The following CNST variants were observed in gnomAD, a reference collection of about 807,000 sequenced individuals.
CNST encodes the protein consortin, connexin sorting protein.
CNST carries 39 observed loss-of-function variants against 72.4 expected under a neutral mutation model. That is an observed-to-expected ratio of 0.54 (90% CI 0.42 to 0.70). The LOEUF (loss-of-function observed/expected upper bound fraction) is 0.70. CNST is among the 30% of genes least tolerant of loss of function. The pLI, the probability that CNST is intolerant of heterozygous loss-of-function variation, is 0.00. For missense variants in CNST, 871 were observed against 868.5 expected, an observed-to-expected ratio of 1.00 and a Z score of -0.04; for synonymous variants, 332 against 320.1, an observed-to-expected ratio of 1.04 and a Z score of -0.40.
intron 2 of CNST, among the ~76,000 whole-genome samples, chr1:246,596,084 T>C (rs990496931): frequency 1.8e-4 from 27 of 152,244 alleles, no homozygotes; most frequent in African/African-American, 5.5e-4. Flanking sequence ...CCCCTTGATA[T>C]GCTTAACTAA....
At chr1:246,643,821 C>T (rs1196388563) in intron 8 of CNST, among the ~76,000 whole-genome samples, 1 of 152,192 alleles carries the variant, frequency 6.6e-6, no homozygotes, top group African/African-American at 2.4e-5. Context: ...TAGTTTGGAA[C>T]TCTTGCCTTT....
At chr1:246,577,493 ACTTTAC>A (rs981507016) in intron 1 of CNST, among the ~76,000 whole-genome samples, 31 of 152,064 alleles carry the variant, frequency 2.0e-4, no homozygotes, top group African/African-American at 7.5e-4. Flanking sequence ...TGTTGTTCAG[ACTTTAC>A]CTTTAAAATT....
chr1:246,639,813 C>T (rs143701084), intron 6 of CNST, among the ~76,000 whole-genome samples: 3 of 152,188 alleles, frequency 2.0e-5, no homozygotes, highest in African/African-American at 7.2e-5. Flanking sequence ...TGGGTATAGA[C>T]GGGCTGAGGC....
intron 10 of CNST, among the ~76,000 whole-genome samples, chr1:246,662,809 G>A (rs1485264156): frequency 6.6e-6 from 1 of 152,072 alleles, no homozygotes; most frequent in African/African-American, 2.4e-5. Context: ...TAAGTATTCA[G>A]AATCTGTGTT....
chr1:246,655,229 G>C (rs187941744), intron 9 of CNST, among the ~76,000 whole-genome samples: 4 of 151,984 alleles, frequency 2.6e-5, no homozygotes, highest in South Asian at 4.2e-4. Flanking sequence ...TTTTTTAAAG[G>C]CTTTTTCCTT....
intron 2 of CNST, among the ~76,000 whole-genome samples, chr1:246,611,480 C>G (rs2103060648): frequency 6.6e-6 from 1 of 152,274 alleles, no homozygotes; most frequent in East Asian, 1.9e-4. Flanking sequence ...TTAGATCGAA[C>G]TGCTCTGAAA....
chr1:246,605,776 T>C (rs1250811572), intron 2 of CNST: 7 of 110,454 alleles, frequency 6.3e-5, no homozygotes, highest in African/African-American at 2.4e-4. Context: ...GTAGGTGTCT[T>C]CCGGCCGGGG....
chr1:246,622,705 G>A (rs1664170253), intron 3 of CNST, among the ~76,000 whole-genome samples: 1 of 151,514 alleles, frequency 6.6e-6, no homozygotes, highest in African/African-American at 2.4e-5. Context: ...AGGATGGAGA[G>A]GCTGGAGACT....
chr1:246,653,108 G>A (rs1223575731), intron 9 of CNST, among the ~76,000 whole-genome samples: 1 of 152,128 alleles, frequency 6.6e-6, no homozygotes, highest in Non-Finnish European at 1.5e-5. Context: ...AGAACTGCTT[G>A]TATCACATGA....
At chr1:246,578,585 T>G (rs199926832) in intron 1 of CNST, among the ~76,000 whole-genome samples, 2 of 151,844 alleles carry the variant, frequency 1.3e-5, no homozygotes, top group Admixed American at 6.6e-5. Context: ...GCAGGAGAAT[T>G]GCTTGAACCC....
chr1:246,604,984 A>G (rs1160428704), intron 2 of CNST, among the ~76,000 whole-genome samples: 2 of 152,166 alleles, frequency 1.3e-5, no homozygotes, highest in Admixed American at 6.5e-5. Context: ...TTTGTTTTGA[A>G]TTTAAATACA....
intron 9 of CNST, among the ~76,000 whole-genome samples, chr1:246,655,611 T>C (rs2103154648): frequency 6.6e-6 from 1 of 152,338 alleles, no homozygotes; most frequent in East Asian, 1.9e-4. Flanking sequence ...TAGAGTCTTA[T>C]TTGAAAGTTC....
At chr1:246,625,970 T>C (rs1664405395) in intron 3 of CNST, among the ~76,000 whole-genome samples, 1 of 152,184 alleles carries the variant, frequency 6.6e-6, no homozygotes, top group Non-Finnish European at 1.5e-5. Context: ...TGAAGCGTTT[T>C]GTTTATTTGC....
At position 246,644,669 on chromosome 1, in the gene CNST, C is replaced by T. The variant is rs981208641; in HGVS notation, c.938-2470C>T. ...ATAACTGCAGCCTTTAGGTAACTGACCCTCAGGTGGAAGCAACACACCCCA... is the reference window on the plus strand; with the variant it reads ...ATAACTGCAGCCTTTAGGTAACTGATCCTCAGGTGGAAGCAACACACCCCA... On this transcript the variant is annotated intron_variant, in intron 8 of 10. Coordinates refer to ENST00000366513, the MANE Select transcript of CNST (RefSeq NM_152609.3). 4.6e-5 allele frequency among the ~76,000 whole-genome samples: 7 copies of T among 152,288 alleles called. No homozygotes were observed. The South Asian group carries it at 8.3e-4, about 18-fold the overall frequency.
chr1:246,574,443 A>T (rs1660263961), intron 1 of CNST, among the ~76,000 whole-genome samples: 1 of 152,198 alleles, frequency 6.6e-6, no homozygotes, highest in African/African-American at 2.4e-5. Context: ...AATTTTTTTT[A>T]GAGACAGCTT....
Position 246,648,308 on chromosome 1 carries a change from CCTGA to C in CNST, c.1836+275_1836+278del, listed in dbSNP as rs1415924361. On this transcript the variant is annotated intron_variant, in intron 9 of 10. Transcript: ENST00000366513. ...ATTGTATATATCCATTTTTTATAGT[CCTGA>C]CTGTTATGTGGCAGTTCCAGATATT... 5 of 932,768 alleles carry C rather than the reference CCTGA, an allele frequency of 5.4e-6. No homozygotes were observed. The Admixed American group carries it at 1.4e-4, about 26-fold the overall frequency. The allele number at this position is 932,768 out of a possible 1,614,324, so 57.8% of individuals were successfully genotyped here. A position where few individuals can be genotyped will look rare whatever the true frequency, so the allele number is the denominator to read the frequency against.
chr1:246,665,797 T>C lies in CNST; in HGVS notation c.2070T>C (p.Gly690=). The part of the protein sequence containing the change: ...VGGTALYCTF[G]DMESPVCTDF... ...GAACTGCATTATACTGCACTTTCGG[T>C]GACATGGAGTCACCTGTTTGTACTG... Residue 690 remains glycine (G), a synonymous_variant, in exon 11 of 11, where the codon GGT becomes GGC. Transcript: ENST00000366513. 1 of 1,614,026 alleles carries C rather than the reference T, an allele frequency of 6.2e-7. No individual in the cohort carries two copies. The highest frequency in any genetic ancestry group is 8.5e-7 in the Non-Finnish European group (1 of 1,179,968).
chr1:246,624,523 T>C (rs1240966618), intron 3 of CNST, among the ~76,000 whole-genome samples: 1 of 152,232 alleles, frequency 6.6e-6, no homozygotes, highest in Non-Finnish European at 1.5e-5. Flanking sequence ...AGATTGCTCA[T>C]TGGAAATCAA....
At position 246,576,652 on chromosome 1, in the gene CNST, C is replaced by T. The variant is rs531653705; in HGVS notation, c.-52+9989C>T. On this transcript the variant is annotated intron_variant, in intron 1 of 10. Transcript: ENST00000366513. ...CTGGGACCGCAGGCATGTTACCACG[C>T]GCGGCACATTTTTGTATTTTTAATA... Among the ~76,000 whole-genome samples the T allele has an allele frequency of 4.8e-4, 73 of 151,652 alleles. 1 individual carries two copies. Among genetic ancestry groups the T allele is most frequent in the African/African-American group, 1.7e-3 (70 of 41,182 alleles).
Sources: gnomAD v4.1 joint callset for allele counts (sites outside exome capture counted in the v4.1 genomes callset) on GRCh38, gnomAD v4.1.1 for gene constraint, MANE v1.5 for transcripts, NCBI Gene and HGNC (gene_info 2026-07-23, HGNC 2026-07-21) for gene names.